TDRD5: variants seen among roughly 807,000 people sequenced by gnomAD.
TDRD5 encodes tudor domain-containing protein 5.
A neutral mutation model predicts 120.6 loss-of-function variants in TDRD5; 41 were observed. That is an observed-to-expected ratio of 0.34 (90% CI 0.26 to 0.44). TDRD5 has a LOEUF of 0.44. Among genes scored for constraint, TDRD5 ranks in the 20% least tolerant of loss-of-function variants. The pLI is 1.00. For missense variants in TDRD5, 1,006 were observed against 1,221.2 expected (o/e 0.82, Z 2.63); for synonymous variants, 430 against 433.7 (o/e 0.99, Z 0.11).
At chr1:179,666,436 T>C (rs1679556603) in intron 16 of TDRD5, among the ~76,000 whole-genome samples, 1 of 152,250 alleles carries the variant, frequency 6.6e-6, no homozygotes, top group Non-Finnish European at 1.5e-5. Context: ...CCCATGTTGC[T>C]AAATTAGGTT....
At chr1:179,678,279 G>A (rs1278158406) in intron 17 of TDRD5, among the ~76,000 whole-genome samples, 2 of 152,182 alleles carry the variant, frequency 1.3e-5, no homozygotes, top group Non-Finnish European at 2.9e-5. Context: ...ACAGCACCGA[G>A]TCTATTTCTA....
At position 179,606,162 on chromosome 1, in the gene TDRD5, C is replaced by T. The variant is rs560822080; in HGVS notation, c.831+10344C>T. On this transcript the variant is annotated intron_variant, in intron 4 of 17. Coordinates refer to ENST00000444136, the MANE Select transcript of TDRD5 (RefSeq NM_001199085.3). ...AATACTGTATAGTGATATTTTATTG[C>T]TGTTTTAATTTGAAATCCCCTCATG... Among the ~76,000 whole-genome samples the T allele has an allele frequency of 5.3e-5, 8 of 151,076 alleles. No homozygotes were observed. The South Asian group carries it at 1.7e-3, about 32-fold the overall frequency.
intron 6 of TDRD5, among the ~76,000 whole-genome samples, chr1:179,621,355 C>T (rs1468612445): frequency 6.6e-6 from 1 of 151,574 alleles, no homozygotes; most frequent in African/African-American, 2.4e-5. Flanking sequence ...AGTGTTATAC[C>T]AAGTGTCAGT....
At chr1:179,592,418 A>G in intron 1 of TDRD5, 184 bp from the exon 2 acceptor site, 1 of 558,272 alleles carries the variant, frequency 1.8e-6, no homozygotes, top group South Asian at 2.0e-5. Context: ...TAATCAACGC[A>G]GGTGGAGATT....
At chr1:179,621,262 A>C (rs964720451) in intron 6 of TDRD5, among the ~76,000 whole-genome samples, 171 bp downstream of exon 6, 4 of 152,104 alleles carry the variant, frequency 2.6e-5, no homozygotes, top group Admixed American at 1.3e-4. Flanking sequence ...TTTAACAAAT[A>C]CTTGATTATG....
chr1:179,628,817 A>C (rs929843019), intron 6 of TDRD5, among the ~76,000 whole-genome samples: 1 of 152,190 alleles, frequency 6.6e-6, no homozygotes, highest in South Asian at 2.1e-4. Context: ...GTAATCTATT[A>C]TGTTGAATCA....
At chr1:179,621,186 C>A in intron 6 of TDRD5, 95 bp downstream of exon 6, 3 of 1,047,016 alleles carry the variant, frequency 2.9e-6, no homozygotes, top group Non-Finnish European at 2.7e-6. Flanking sequence ...TTCTCCAGGT[C>A]TATGCTCTAA....
chr1:179,618,182 G>A (rs1210966662), intron 4 of TDRD5, among the ~76,000 whole-genome samples: 1 of 151,924 alleles, frequency 6.6e-6, no homozygotes, highest in East Asian at 1.9e-4. Flanking sequence ...TGTCCTTTAG[G>A]GCCAGTTGTC....
At position 179,633,721 on chromosome 1, in the gene TDRD5, A is replaced by C. The variant is rs769979862; in HGVS notation, c.1127-736A>C. 6.6e-5 allele frequency among the ~76,000 whole-genome samples: 10 copies of C among 152,304 alleles called. No individual in the cohort carries two copies. The South Asian group carries it at 1.5e-3, about 22-fold the overall frequency. On this transcript the variant is annotated intron_variant, in intron 7 of 17. Coordinates refer to ENST00000444136, the MANE Select transcript of TDRD5 (RefSeq NM_001199085.3). Reference sequence around the variant, plus strand: ...GTAAATTTGAACAAAATACATGATTAACTTGAAAATTTCCTAAGAATTAAG... The same window carrying C: ...GTAAATTTGAACAAAATACATGATTCACTTGAAAATTTCCTAAGAATTAAG...
intron 11 of TDRD5, among the ~76,000 whole-genome samples, chr1:179,645,076 CTTTTTT>C (rs71569261): frequency 4.0e-5 from 4 of 99,592 alleles, no homozygotes; most frequent in South Asian, 3.2e-4. Context: ...AAACATTTTT[CTTTTTT>C]TTTTTTTTTT....
rs939949695 is a variant in TDRD5 at position 179,691,210 on chromosome 1, GTTTT to G, written c.*271_*274del. On this transcript the variant is annotated 3_prime_UTR_variant, in exon 18 of 18. Transcript: ENST00000444136. ...TTTTTAATGTAGTTTAAAGGAATTT[GTTTT>G]TTTGTGTTTGTTTTTCTTGTACATT... 2 of 286,206 alleles carry G rather than the reference GTTTT, an allele frequency of 7.0e-6. No individual in the cohort carries two copies. The highest frequency in any genetic ancestry group is 9.9e-5 in the Admixed American group (2 of 20,202). The allele number at this position is 286,206 out of a possible 1,614,324, so 17.7% of individuals were successfully genotyped here. A position where few individuals can be genotyped will look rare whatever the true frequency, so the allele number is the denominator to read the frequency against.
Position 179,675,273 on chromosome 1 carries a change from A to AT in TDRD5, c.2860+5893dup, listed in dbSNP as rs1172444253. Among the ~76,000 whole-genome samples, 108 of 66,614 alleles carry AT rather than the reference A, an allele frequency of 1.6e-3. 3 individuals are homozygous for AT. The highest frequency in any genetic ancestry group is 4.6e-3 in the African/African-American group (85 of 18,614). 43.7% of individuals were successfully genotyped at this position (66,614 alleles called of 152,430 possible). On this transcript the variant is annotated intron_variant, in intron 17 of 17. Transcript: ENST00000444136. ...AAGAATTTTTATTATTATTATTATT[A>AT]TTTTTTTTTTTTTTTTTTTTTTTTG...
At chr1:179,653,822 T>C (rs1430809262) in intron 13 of TDRD5, among the ~76,000 whole-genome samples, 1 of 152,224 alleles carries the variant, frequency 6.6e-6, no homozygotes, top group Non-Finnish European at 1.5e-5. Context: ...TCAAGTGTTA[T>C]CTTCTTCATT....
At chr1:179,623,625 C>CTTTTTTTTTTTTTTTTTTTTTTT (rs11428251) in intron 6 of TDRD5, among the ~76,000 whole-genome samples, 1 of 97,908 alleles carries the variant, frequency 1.0e-5, no homozygotes, top group Non-Finnish European at 1.9e-5. Context: ...CCAACTCATT[C>CTTTTTTTTTTTTTTTTTTTTTTT]TTTTTTTTTT....
intron 3 of TDRD5, among the ~76,000 whole-genome samples, chr1:179,595,235 G>T (rs1675326694): frequency 6.6e-6 from 1 of 152,038 alleles, no homozygotes; most frequent in African/African-American, 2.4e-5. Context: ...CATCCTCCCA[G>T]AACTGTGGTA....
intron 17 of TDRD5, among the ~76,000 whole-genome samples, chr1:179,677,974 C>A (rs1680224051): frequency 6.6e-6 from 1 of 152,088 alleles, no homozygotes; most frequent in Non-Finnish European, 1.5e-5. Context: ...GAGATTATGA[C>A]CTTTGTCTTT....
chr1:179,603,508 G>A (rs1309366384), intron 4 of TDRD5, among the ~76,000 whole-genome samples: 1 of 152,124 alleles, frequency 6.6e-6, no homozygotes, highest in Non-Finnish European at 1.5e-5. Context: ...TGTTGGCTGT[G>A]GGTTTGTCAT....
At chr1:179,630,669 A>T in intron 6 of TDRD5, 98 bp from the exon 7 acceptor site, 1 of 1,265,948 alleles carries the variant, frequency 7.9e-7, no homozygotes. Context: ...GAGTTCATTG[A>T]CCCTTTAAGA....
intron 11 of TDRD5, among the ~76,000 whole-genome samples, chr1:179,643,022 C>G (rs1478145828): frequency 6.6e-6 from 1 of 152,134 alleles, no homozygotes; most frequent in Admixed American, 6.6e-5. Flanking sequence ...AGGTAGGGAA[C>G]CACAGAATGG....
Sources: allele counts gnomAD v4.1 joint callset (sites outside exome capture counted in the v4.1 genomes callset), GRCh38; gene constraint gnomAD v4.1.1; transcripts MANE v1.5; gene names NCBI Gene and HGNC (gene_info 2026-07-23, HGNC 2026-07-21).